IMMP1L: variants seen among roughly 807,000 people sequenced by gnomAD.
The protein encoded by IMMP1L is mitochondrial inner membrane protease subunit 1.
A neutral mutation model predicts 21.8 loss-of-function variants in IMMP1L; 24 were observed. That is an observed-to-expected ratio of 1.10 (90% CI 0.80 to 1.55). The LOEUF (loss-of-function observed/expected upper bound fraction) is 1.55, where lower values mean the gene tolerates loss of function less well. Among genes scored for constraint, IMMP1L ranks in the 40% most tolerant of loss-of-function variants. The probability of loss-of-function intolerance (pLI) is 0.00; values close to 1 mark genes in which losing one functional copy is unlikely to be tolerated. For missense variants in IMMP1L, 195 were observed against 200.7 expected, an observed-to-expected ratio of 0.97 and a Z score of 0.17; for synonymous variants, 46 against 62.8, an observed-to-expected ratio of 0.73 and a Z score of 1.26.
At chr11:31,467,977 C>A (rs939780835) in intron 1 of IMMP1L, among the ~76,000 whole-genome samples, 1 of 151,932 alleles carries the variant, frequency 6.6e-6, no homozygotes, top group Non-Finnish European at 1.5e-5. Flanking sequence ...CATGAACAAT[C>A]AAAACACATC....
intron 4 of IMMP1L, among the ~76,000 whole-genome samples, chr11:31,437,720 G>C (rs566207733): frequency 1.3e-5 from 2 of 152,004 alleles, no homozygotes; most frequent in South Asian, 4.1e-4. Context: ...CTTCCATGCC[G>C]AAAAGTTCCC....
intron 1 of IMMP1L, chr11:31,477,585 A>T: frequency 1.0e-6 from 1 of 981,510 alleles, no homozygotes. Flanking sequence ...GACATCCAAG[A>T]GATGGGAAAG....
chr11:31,505,774 G>A (rs1448297574), intron 1 of IMMP1L, among the ~76,000 whole-genome samples: 1 of 152,136 alleles, frequency 6.6e-6, no homozygotes, highest in Non-Finnish European at 1.5e-5. Context: ...CATGAAAAAT[G>A]TCAGAACGAA....
intron 2 of IMMP1L, 59 bp from the exon 3 acceptor site, chr11:31,460,773 T>A: frequency 8.8e-7 from 1 of 1,142,494 alleles, no homozygotes; most frequent in Non-Finnish European, 1.3e-6. Flanking sequence ...TTAACATAAA[T>A]CTTTTAAGCA....
At chr11:31,456,239 C>A in intron 4 of IMMP1L, 21 bp downstream of exon 4, 1 of 1,529,216 alleles carries the variant, frequency 6.5e-7, no homozygotes, top group Non-Finnish European at 8.9e-7. Flanking sequence ...CCAAAAATAA[C>A]ATAATTGAAA....
At chr11:31,439,784 G>A (rs776537829) in intron 4 of IMMP1L, among the ~76,000 whole-genome samples, 12 of 152,010 alleles carry the variant, frequency 7.9e-5, no homozygotes, top group Non-Finnish European at 1.6e-4. Flanking sequence ...TATTCTAAGG[G>A]CTATTTTAGT....
At chr11:31,434,292 A>T (rs1034466682) in intron 4 of IMMP1L, among the ~76,000 whole-genome samples, 2 of 152,176 alleles carry the variant, frequency 1.3e-5, no homozygotes, top group Non-Finnish European at 2.9e-5. Context: ...ATTTTTACTC[A>T]GTGACAATCA....
At chr11:31,451,485 G>A (rs909614040) in intron 4 of IMMP1L, among the ~76,000 whole-genome samples, 5 of 152,136 alleles carry the variant, frequency 3.3e-5, no homozygotes, top group East Asian at 3.9e-4. Context: ...GATTTGCTAC[G>A]GGATTGGATG....
intron 4 of IMMP1L, among the ~76,000 whole-genome samples, chr11:31,438,471 C>T (rs537306070): frequency 9.5e-4 from 144 of 152,170 alleles, no homozygotes; most frequent in Non-Finnish European, 1.9e-3. Context: ...CAGGCTGCAT[C>T]TTTTTAAATG....
intron 1 of IMMP1L, among the ~76,000 whole-genome samples, chr11:31,471,234 AATT>A (rs1954540524): frequency 6.6e-6 from 1 of 152,156 alleles, no homozygotes; most frequent in African/African-American, 2.4e-5. Context: ...AACTGTACAC[AATT>A]ATTAAGTGTT....
intron 4 of IMMP1L, 31 bp downstream of exon 4, chr11:31,456,229 C>T: frequency 2.0e-6 from 3 of 1,475,820 alleles, no homozygotes; most frequent in Non-Finnish European, 2.8e-6. Context: ...AATTATGACA[C>T]CAAAAATAAC....
intron 4 of IMMP1L, among the ~76,000 whole-genome samples, chr11:31,440,316 T>C (rs1406264892): frequency 6.6e-6 from 1 of 152,198 alleles, no homozygotes; most frequent in African/African-American, 2.4e-5. Context: ...TCTAGTTGTT[T>C]ATGGCAGGAG....
At chr11:31,491,174 T>G (rs1955242393) in intron 1 of IMMP1L, among the ~76,000 whole-genome samples, 1 of 152,210 alleles carries the variant, frequency 6.6e-6, no homozygotes, top group Non-Finnish European at 1.5e-5. Flanking sequence ...ACTGGAGTGT[T>G]GCTGTGATAC....
At chr11:31,451,435 A>C (rs1224557580) in intron 4 of IMMP1L, among the ~76,000 whole-genome samples, 1 of 152,120 alleles carries the variant, frequency 6.6e-6, no homozygotes, top group African/African-American at 2.4e-5. Flanking sequence ...CAGTGGCAAA[A>C]CGTGGTTTGA....
chr11:31,456,199 G>T, intron 4 of IMMP1L, 61 bp downstream of exon 4: 4 of 1,164,964 alleles, frequency 3.4e-6, no homozygotes, highest in Non-Finnish European at 2.4e-6. Flanking sequence ...TCTTTTGTCA[G>T]CACTCAGTTA....
At chr11:31,473,640 G>T in intron 1 of IMMP1L, 1 of 424,094 alleles carries the variant, frequency 2.4e-6, no homozygotes, top group Non-Finnish European at 3.2e-6. Flanking sequence ...AGAAATTAGA[G>T]ATTCCTCCAT....
intron 1 of IMMP1L, among the ~76,000 whole-genome samples, chr11:31,509,205 C>G (rs1955907584): frequency 6.6e-6 from 1 of 152,176 alleles, no homozygotes; most frequent in South Asian, 2.1e-4. Flanking sequence ...AGGTTTAATT[C>G]CAAACCACCT....
chr11:31,487,469 T>C (rs1034320908), intron 1 of IMMP1L, among the ~76,000 whole-genome samples: 13 of 152,124 alleles, frequency 8.5e-5, no homozygotes, highest in Non-Finnish European at 1.5e-4. Flanking sequence ...CTTCTGACTT[T>C]CACACATTTT....
At chr11:31,476,618 A>G (rs992715533) in intron 1 of IMMP1L, among the ~76,000 whole-genome samples, 3 of 152,048 alleles carry the variant, frequency 2.0e-5, no homozygotes, top group Non-Finnish European at 2.9e-5. Flanking sequence ...TTTATTTTTT[A>G]AAAGATACAG....
Sources: gnomAD v4.1 joint callset for allele counts (sites outside exome capture counted in the v4.1 genomes callset) on GRCh38, gnomAD v4.1.1 for gene constraint, MANE v1.5 for transcripts, NCBI Gene and HGNC (gene_info 2026-07-23, HGNC 2026-07-21) for gene names.